VPS54: variants seen among roughly 807,000 people sequenced by gnomAD.
VPS54 encodes VPS54 subunit of GARP complex, also known as vacuolar protein sorting-associated protein 54.
VPS54 carries 45 observed loss-of-function variants against 121.5 expected under a neutral mutation model. The observed-to-expected ratio is 0.37, with a 90% CI of 0.29 to 0.47. VPS54 has a LOEUF of 0.47. Ranked by LOEUF, VPS54 falls within the 20% of genes least tolerant of loss-of-function variation. VPS54 has a pLI of 0.99. For missense variants in VPS54, 1,090 were observed against 1,131.4 expected (o/e 0.96, Z 0.52); for synonymous variants, 371 against 385.8 (o/e 0.96, Z 0.45).
In VPS54 at chr2:63,986,911, C is replaced by G. The variant is rs141416827; in HGVS notation, c.-20-2892G>C. On this transcript the variant is annotated intron_variant, in intron 1 of 22. Coordinates refer to ENST00000272322, the MANE Select transcript of VPS54 (RefSeq NM_016516.3). ...TCAGATATTTTGCCCATCTTTTAATCAACATATTGGATTTTTATCTATAAG... is the reference window on the plus strand; with the variant it reads ...TCAGATATTTTGCCCATCTTTTAATGAACATATTGGATTTTTATCTATAAG... 1.1e-4 allele frequency among the ~76,000 whole-genome samples: 17 copies of G among 152,274 alleles called. No individual in the cohort carries two copies. The East Asian group carries it at 3.1e-3, about 28-fold the overall frequency.
chr2:63,931,640 G>A (rs904594762), intron 12 of VPS54, among the ~76,000 whole-genome samples: 8 of 152,114 alleles, frequency 5.3e-5, no homozygotes, highest in Admixed American at 2.0e-4. Flanking sequence ...GCAACAAAAG[G>A]CAAAATTGAC....
intron 1 of VPS54, among the ~76,000 whole-genome samples, chr2:63,991,221 A>T (rs1401180397): frequency 6.6e-6 from 1 of 152,226 alleles, no homozygotes; most frequent in Non-Finnish European, 1.5e-5. Context: ...TGGTTAAACA[A>T]GGTCATGATG....
intron 6 of VPS54, among the ~76,000 whole-genome samples, 187 bp downstream of exon 6, chr2:63,965,648 C>T (rs1379332994): frequency 6.6e-6 from 1 of 152,098 alleles, no homozygotes; most frequent in African/African-American, 2.4e-5. Flanking sequence ...TTCATCTGCA[C>T]AACTTGTGTT....
intron 11 of VPS54, among the ~76,000 whole-genome samples, chr2:63,940,755 A>T (rs1674686461): frequency 6.6e-6 from 1 of 152,202 alleles, no homozygotes; most frequent in African/African-American, 2.4e-5. Context: ...AAGTTGGCCA[A>T]TTCTACACTA....
At chr2:63,982,909 T>A (rs536043728) in intron 2 of VPS54, among the ~76,000 whole-genome samples, 64 of 152,318 alleles carry the variant, frequency 4.2e-4, no homozygotes, top group Admixed American at 6.5e-4. Context: ...CTTTCACTGC[T>A]CTGCACATGA....
intron 19 of VPS54, 47 bp from the exon 20 acceptor site, chr2:63,912,472 T>C (rs1258868298): frequency 1.2e-6 from 2 of 1,609,278 alleles, no homozygotes; most frequent in Admixed American, 3.4e-5. Context: ...TGGGACACAT[T>C]TTTAAAATAC....
intron 4 of VPS54, among the ~76,000 whole-genome samples, chr2:63,969,700 G>A (rs1032136751): frequency 3.3e-5 from 5 of 151,972 alleles, no homozygotes; most frequent in African/African-American, 9.7e-5. Context: ...CTATCTCCCC[G>A]CAAACCCCTT....
At chr2:63,989,279 A>C (rs1049742538) in intron 1 of VPS54, among the ~76,000 whole-genome samples, 1 of 152,048 alleles carries the variant, frequency 6.6e-6, no homozygotes, top group African/African-American at 2.4e-5. Context: ...TTGCCTTGTG[A>C]TATTTTGTTG....
chr2:63,931,102 T>C (rs1249882277), intron 12 of VPS54, among the ~76,000 whole-genome samples: 1 of 152,154 alleles, frequency 6.6e-6, no homozygotes, highest in Non-Finnish European at 1.5e-5. Flanking sequence ...AAGTAATTTA[T>C]AGATTCAATG....
intron 19 of VPS54, 55 bp from the exon 20 acceptor site, chr2:63,912,480 T>G (rs901607668): frequency 6.2e-7 from 1 of 1,609,514 alleles, no homozygotes; most frequent in Non-Finnish European, 8.5e-7. Flanking sequence ...ATTTTTAAAA[T>G]ACTTAACAAT....
rs968410829 is a variant in VPS54 at position 63,985,688 on chromosome 2, C to T, written c.-20-1669G>A. On this transcript the variant is annotated intron_variant, in intron 1 of 22. Transcript: ENST00000272322. ...GAAGAAGTGACAAATTATACACACACACACACACACACACACACACACACA... is the reference window on the plus strand; with the variant it reads ...GAAGAAGTGACAAATTATACACACATACACACACACACACACACACACACA... 9.9e-3 allele frequency among the ~76,000 whole-genome samples: 699 copies of T among 70,924 alleles called. 5 individuals carry two copies. The highest frequency in any genetic ancestry group is 0.034 in the South Asian group (90 of 2,614). 46.5% of individuals were successfully genotyped at this position (70,924 alleles called of 152,430 possible).
chr2:64,017,021 TAAAAAAAA>T (rs777168254), intron 1 of VPS54, among the ~76,000 whole-genome samples: 2 of 100,382 alleles, frequency 2.0e-5, no homozygotes, highest in African/African-American at 3.7e-5. Context: ...TTTTGTTGAT[TAAAAAAAA>T]AAAAAAAAAA....
At chr2:63,924,250 T>C (rs369508952) in intron 12 of VPS54, among the ~76,000 whole-genome samples, 1 of 152,188 alleles carries the variant, frequency 6.6e-6, no homozygotes, top group African/African-American at 2.4e-5. Context: ...GCTGGGCAAA[T>C]AGTCCACAAG....
chr2:63,933,866 T>C lies in VPS54; in HGVS notation c.1546A>G (p.Met516Val). 1.9e-6 allele frequency: 3 copies of C among 1,613,878 alleles called. No homozygotes were observed. The highest frequency in any genetic ancestry group is 2.5e-6 in the Non-Finnish European group (3 of 1,179,866). The change falls in exon 12 of 23, where the codon ATG (methionine) becomes GTG (valine). Residue 516 changes from methionine to valine, a missense_variant. Coordinates refer to ENST00000272322, the MANE Select transcript of VPS54 (RefSeq NM_016516.3). ...TCACCGAATGCATCACTTATAAACA[T>C]GCCTTCATGGATTAAATAAGCCACC... ...TEVAYLIHEG[M>V]FISDAFGEGE...
chr2:63,922,540 G>A (rs1034191853), intron 12 of VPS54, among the ~76,000 whole-genome samples: 3 of 152,080 alleles, frequency 2.0e-5, no homozygotes, highest in Non-Finnish European at 4.4e-5. Flanking sequence ...ACATTATCTC[G>A]TTTCATTCTC....
intron 20 of VPS54, among the ~76,000 whole-genome samples, chr2:63,910,826 G>A (rs1346951880): frequency 2.0e-5 from 3 of 152,196 alleles, no homozygotes; most frequent in Non-Finnish European, 4.4e-5. Context: ...CAAAGTGACA[G>A]ACTAAAGTCA....
intron 7 of VPS54, among the ~76,000 whole-genome samples, chr2:63,961,475 C>T (rs1451388033): frequency 1.3e-5 from 2 of 151,976 alleles, no homozygotes; most frequent in African/African-American, 4.8e-5. Context: ...TACTGCAAGC[C>T]TGCTTAATGG....
chr2:63,974,233 T>C (rs1676415438), intron 3 of VPS54, among the ~76,000 whole-genome samples: 1 of 152,230 alleles, frequency 6.6e-6, no homozygotes, highest in African/African-American at 2.4e-5. Flanking sequence ...TGAATTACCT[T>C]TGCCCCTTTG....
At chr2:64,012,121 A>G (rs897412500) in intron 1 of VPS54, among the ~76,000 whole-genome samples, 3 of 152,194 alleles carry the variant, frequency 2.0e-5, no homozygotes, top group African/African-American at 7.2e-5. Context: ...TGGCTATCTT[A>G]GCCCTGCTCT....
Sources: gnomAD v4.1 joint callset for allele counts (sites outside exome capture counted in the v4.1 genomes callset) on GRCh38, gnomAD v4.1.1 for gene constraint, MANE v1.5 for transcripts, NCBI Gene and HGNC (gene_info 2026-07-23, HGNC 2026-07-21) for gene names.